RANBP2: variants seen among roughly 807,000 people sequenced by gnomAD.
The protein encoded by RANBP2 is RAN binding protein 2.
A neutral mutation model predicts 303.6 loss-of-function variants in RANBP2; 57 were observed. The observed-to-expected ratio is 0.19, with a 90% CI of 0.15 to 0.23. RANBP2 has a LOEUF of 0.23. Ranked by LOEUF, RANBP2 falls within the 10% of genes least tolerant of loss-of-function variation. RANBP2 has a pLI of 1.00. For synonymous variants in RANBP2, 1,167 were observed against 1,301.5 expected, an observed-to-expected ratio of 0.90 and a Z score of 2.23; for missense variants, 3,138 against 3,780.8, an observed-to-expected ratio of 0.83 and a Z score of 4.46.
the RANBP2 span, among the ~76,000 whole-genome samples, chr2:109,156,255 C>T: frequency 6.0e-3 from 921 of 152,344 alleles, 8 homozygotes; most frequent in South Asian, 0.015. Context: ...GGCTCACACA[C>T]AGTCCAACCA....
the RANBP2 span, among the ~76,000 whole-genome samples, chr2:109,225,745 AAGTT>A: frequency 6.6e-6 from 1 of 152,182 alleles, no homozygotes; most frequent in Non-Finnish European, 1.5e-5. Context: ...TTATTTTTAT[AAGTT>A]AGTTTCAAGT....
the RANBP2 span, among the ~76,000 whole-genome samples, chr2:109,272,805 G>A: frequency 1.6e-4 from 25 of 152,290 alleles, no homozygotes; most frequent in East Asian, 4.1e-3. Context: ...CGGTACTGCC[G>A]CACACGCAGG....
chr2:109,130,116 G>A, the RANBP2 span: 3 of 1,307,442 alleles, frequency 2.3e-6, no homozygotes, highest in South Asian at 6.8e-5. Flanking sequence ...CGGCAAAGGT[G>A]AGTATCTGTC....
the RANBP2 span, among the ~76,000 whole-genome samples, chr2:109,219,445 T>G: frequency 6.6e-6 from 1 of 152,066 alleles, no homozygotes; most frequent in Admixed American, 6.6e-5. Flanking sequence ...AATTGGAAGC[T>G]CTAGACAGAG....
chr2:108,802,813 TA>T, the RANBP2 span, among the ~76,000 whole-genome samples: 4 of 152,254 alleles, frequency 2.6e-5, no homozygotes, highest in African/African-American at 9.6e-5. Flanking sequence ...CATCAATACC[TA>T]ATTTATTGAG....
At chr2:109,114,907 G>A in the RANBP2 span, among the ~76,000 whole-genome samples, 3 of 152,272 alleles carry the variant, frequency 2.0e-5, no homozygotes, top group East Asian at 5.8e-4. Flanking sequence ...AGTCATTCAG[G>A]AGCAAGTTGT....
the RANBP2 span, among the ~76,000 whole-genome samples, chr2:109,699,694 C>A: frequency 6.6e-6 from 1 of 152,162 alleles, no homozygotes; most frequent in African/African-American, 2.4e-5. Flanking sequence ...TCAAGGGTGG[C>A]AGAGGCCGAA....
chr2:109,038,802 C>T, the RANBP2 span, among the ~76,000 whole-genome samples: 3 of 152,154 alleles, frequency 2.0e-5, no homozygotes, highest in Non-Finnish European at 4.4e-5. Context: ...TAGCAGCATA[C>T]GAAAGCTCCT....
At chr2:109,533,422 TTTGTCTCTGC>T in the RANBP2 span, among the ~76,000 whole-genome samples, 3 of 152,234 alleles carry the variant, frequency 2.0e-5, no homozygotes, top group African/African-American at 7.2e-5. Flanking sequence ...TTAAGTTTCA[TTTGTCTCTGC>T]TAGTCAAGAA....
the RANBP2 span, chr2:108,897,119 C>T: frequency 2.1e-5 from 34 of 1,613,916 alleles, no homozygotes; most frequent in Non-Finnish European, 1.5e-5. Flanking sequence ...CCGAAGCTCT[C>T]GGCGAGGTGG....
chr2:108,843,437 C>T, the RANBP2 span, among the ~76,000 whole-genome samples: 1 of 152,232 alleles, frequency 6.6e-6, no homozygotes, highest in Non-Finnish European at 1.5e-5. Context: ...GGATTACAGG[C>T]ATAAGCCACC....
the RANBP2 span, among the ~76,000 whole-genome samples, chr2:109,198,711 C>T: frequency 1.3e-5 from 2 of 152,114 alleles, no homozygotes; most frequent in African/African-American, 2.4e-5. Context: ...GGGACTAATC[C>T]CATTCGTGAA....
At chr2:109,100,478 T>G in the RANBP2 span, among the ~76,000 whole-genome samples, 6 of 152,112 alleles carry the variant, frequency 3.9e-5, no homozygotes, top group Non-Finnish European at 8.8e-5. Flanking sequence ...ACAAAATTGG[T>G]CCCTGATGCC....
intron 20 of RANBP2, among the ~76,000 whole-genome samples, chr2:108,771,124 G>A (rs1248552548): frequency 6.6e-6 from 1 of 151,498 alleles, no homozygotes; most frequent in Non-Finnish European, 1.5e-5. Context: ...ATTTTATAGT[G>A]TTAGCTACCT....
At chr2:108,880,146 C>T in the RANBP2 span, among the ~76,000 whole-genome samples, 1 of 149,874 alleles carries the variant, frequency 6.7e-6, no homozygotes, top group African/African-American at 2.5e-5. Flanking sequence ...AAAGCTATTT[C>T]TTTGAAAAGA....
chr2:108,841,387 T>C, the RANBP2 span, among the ~76,000 whole-genome samples: 1 of 152,176 alleles, frequency 6.6e-6, no homozygotes. Context: ...TAATTGTAGA[T>C]TTATATGTTA....
At chr2:109,052,701 T>C in the RANBP2 span, among the ~76,000 whole-genome samples, 1 of 152,324 alleles carries the variant, frequency 6.6e-6, no homozygotes, top group South Asian at 2.1e-4. Context: ...GGTTTCACCA[T>C]GTTGGCCAGG....
chr2:109,428,479 A>G, the RANBP2 span, among the ~76,000 whole-genome samples: 83 of 152,290 alleles, frequency 5.5e-4, no homozygotes, highest in African/African-American at 1.8e-3. Flanking sequence ...CCGCCAGCCT[A>G]TCTTGTCTGT....
the RANBP2 span, among the ~76,000 whole-genome samples, chr2:109,320,184 C>CCTCGGGTGCCTCTG: frequency 5.3e-5 from 8 of 152,192 alleles, no homozygotes; most frequent in Non-Finnish European, 1.0e-4. Context: ...CCGTCACAGC[C>CCTCGGGTGCCTCTG]CTCGGCTTGC....
Sources: allele counts gnomAD v4.1 joint callset (sites outside exome capture counted in the v4.1 genomes callset), GRCh38; gene constraint gnomAD v4.1.1; transcripts MANE v1.5; gene names NCBI Gene and HGNC (gene_info 2026-07-23, HGNC 2026-07-21).